CNTNAP3B: variants seen among roughly 807,000 people sequenced by gnomAD.
CNTNAP3B encodes the protein contactin-associated protein-like 3B.
In CNTNAP3B, 25 loss-of-function variants were observed where a neutral mutation model predicts 108.9. The observed-to-expected ratio is 0.23, with a 90% CI of 0.17 to 0.32. The LOEUF (loss-of-function observed/expected upper bound fraction) is 0.32. Ranked by LOEUF, CNTNAP3B falls within the 10% of genes least tolerant of loss-of-function variation. CNTNAP3B has a pLI of 1.00. For synonymous variants in CNTNAP3B, 103 were observed against 473.4 expected, an observed-to-expected ratio of 0.22 and a Z score of 10.16; for missense variants, 252 against 1,210.4, an observed-to-expected ratio of 0.21 and a Z score of 11.75.
chr9:42,111,879 C>CCA lies in CNTNAP3B; in HGVS notation c.86-7142_86-7141dup, dbSNP rs1828199177. Among the ~76,000 whole-genome samples the CCA allele has an allele frequency of 2.9e-5, 4 of 138,406 alleles. 1 individual carries two copies. The South Asian group carries it at 9.4e-4, about 32-fold the overall frequency. 90.8% of individuals were successfully genotyped at this position (138,406 alleles called of 152,430 possible). A position where few individuals can be genotyped will look rare whatever the true frequency, so the allele number is the denominator to read the frequency against. On this transcript the variant is annotated intron_variant, in intron 1 of 23. Coordinates refer to ENST00000377561, the MANE Select transcript of CNTNAP3B (RefSeq NM_001201380.3). ...ATGTTTCCTTATTGACTGTCCCCAGCCACACACACACCTTACATATCACCA... is the reference window on the plus strand; with the variant it reads ...ATGTTTCCTTATTGACTGTCCCCAGCCACACACACACACCTTACATATCACCA...
At chr9:41,925,841 A>G (rs1692860) in intron 15 of CNTNAP3B, among the ~76,000 whole-genome samples, 1 of 148,016 alleles carries the variant, frequency 6.8e-6, no homozygotes, top group East Asian at 2.0e-4. Flanking sequence ...GCTCATCTTA[A>G]ATTTTCTCTG....
chr9:41,924,999 G>T (rs566574879), intron 15 of CNTNAP3B, among the ~76,000 whole-genome samples: 1 of 151,612 alleles, frequency 6.6e-6, no homozygotes. Flanking sequence ...TCAGTGTGTC[G>T]CAGCAGCAGG....
chr9:42,120,497 C>T (rs1330633243), intron 1 of CNTNAP3B, among the ~76,000 whole-genome samples: 1 of 138,006 alleles, frequency 7.2e-6, no homozygotes, highest in Non-Finnish European at 1.5e-5. Flanking sequence ...GATTATAAAT[C>T]ATGCTGCTAT....
At chr9:41,964,204 G>A (rs1242657116) in intron 11 of CNTNAP3B, among the ~76,000 whole-genome samples, 1 of 152,250 alleles carries the variant, frequency 6.6e-6, no homozygotes, top group Non-Finnish European at 1.5e-5. Flanking sequence ...TTAAAATTAT[G>A]GTCCAACTCA....
chr9:42,119,506 G>C (rs1322527783), intron 1 of CNTNAP3B, among the ~76,000 whole-genome samples: 3 of 123,752 alleles, frequency 2.4e-5, no homozygotes, highest in Non-Finnish European at 5.0e-5. Context: ...AACCAAAAAA[G>C]AGCCCGCATT....
chr9:42,030,813 G>GAGAGAGAGAGAGAGA (rs1156882673), intron 3 of CNTNAP3B, among the ~76,000 whole-genome samples: 3 of 65,774 alleles, frequency 4.6e-5, no homozygotes, highest in South Asian at 5.8e-4. Context: ...GAGAGAGAGA[G>GAGAGAGAGAGAGAGA]GAGAGAGAGA....
chr9:41,967,490 G>A (rs1401955486), intron 10 of CNTNAP3B, among the ~76,000 whole-genome samples: 5 of 152,214 alleles, frequency 3.3e-5, no homozygotes, highest in Admixed American at 6.5e-5. Context: ...CCAGTCTTGG[G>A]TATATCTTTA....
intron 7 of CNTNAP3B, among the ~76,000 whole-genome samples, chr9:41,995,818 C>G (rs62554987): frequency 0.38 from 48,200 of 127,008 alleles, 10,913 homozygotes; most frequent in East Asian, 0.62. Flanking sequence ...GGCAGATCAC[C>G]TGAGGTCAGG....
At position 42,112,394 on chromosome 9, in the gene CNTNAP3B, C is replaced by T. The variant is rs1201200234; in HGVS notation, c.86-7655G>A. ...CAGGGAGCCACACAGCAGCCATGTG[C>T]GGCGGCAGATGGGGATGAGAGGGAA... On this transcript the variant is annotated intron_variant, in intron 1 of 23. Coordinates refer to ENST00000377561, the MANE Select transcript of CNTNAP3B (RefSeq NM_001201380.3). 5.0e-5 allele frequency among the ~76,000 whole-genome samples: 7 copies of T among 139,176 alleles called. 2 individuals carry two copies. The highest frequency in any genetic ancestry group is 2.3e-4 in the South Asian group (1 of 4,300). 91.3% of individuals were successfully genotyped at this position (139,176 alleles called of 152,430 possible).
chr9:41,962,724 G>A, intron 11 of CNTNAP3B, among the ~76,000 whole-genome samples: 1 of 150,428 alleles, frequency 6.6e-6, no homozygotes, highest in Non-Finnish European at 1.5e-5. Context: ...GGGAGTCCAA[G>A]GCAGGTGGAT....
intron 13 of CNTNAP3B, among the ~76,000 whole-genome samples, chr9:41,939,528 A>G (rs1190255742): frequency 1.3e-5 from 2 of 152,298 alleles, no homozygotes; most frequent in African/African-American, 4.8e-5. Flanking sequence ...AAAAAAGGCA[A>G]TCTGGGAAAA....
At chr9:41,940,738 C>A (rs1824315738) in intron 13 of CNTNAP3B, among the ~76,000 whole-genome samples, 1 of 152,096 alleles carries the variant, frequency 6.6e-6, no homozygotes, top group South Asian at 2.1e-4. Context: ...TGGCGTGAAC[C>A]CGGGAGGCGG....
rs1291388855 is a variant in CNTNAP3B at position 41,995,583 on chromosome 9, A to AAATT, written c.1071+621_1071+622insAATT. ...ACCCCGTCTCTACTAAAAATACAAAAAGCCGGGCATGCTGGTGGGCACCTG... is the reference window on the plus strand; with the variant it reads ...ACCCCGTCTCTACTAAAAATACAAAAAATTAGCCGGGCATGCTGGTGGGCACCTG... On this transcript the variant is annotated intron_variant, in intron 7 of 23. Transcript: ENST00000377561. Among the ~76,000 whole-genome samples the AAATT allele has an allele frequency of 1.2e-3, 153 of 128,380 alleles. 3 individuals carry two copies. The highest frequency in any genetic ancestry group is 4.5e-3 in the African/African-American group (139 of 30,892). The allele number at this position is 128,380 out of a possible 152,430, so 84.2% of individuals were successfully genotyped here. A position where few individuals can be genotyped will look rare whatever the true frequency, so the allele number is the denominator to read the frequency against.
intron 12 of CNTNAP3B, chr9:41,960,212 A>T (rs1045304333): frequency 8.6e-5 from 14 of 163,118 alleles, no homozygotes; most frequent in Non-Finnish European, 1.6e-4. Flanking sequence ...GTTGGCCAGG[A>T]TGGTCTCGAT....
chr9:41,947,484 A>G (rs1177680434), intron 13 of CNTNAP3B, among the ~76,000 whole-genome samples: 4 of 152,206 alleles, frequency 2.6e-5, no homozygotes, highest in Non-Finnish European at 5.9e-5. Flanking sequence ...AACTACATGA[A>G]AAACTAAATG....
rs1174301956 is a variant in CNTNAP3B, at chr9:42,114,934, A to C, written c.86-10195T>G. The stretch of plus-strand genomic sequence containing the variant: ...CTGGGCATGGTAGCGGGAACTTGCA[A>C]TCCCAGCTACTCGGGAGGCTGAGGC... On this transcript the variant is annotated intron_variant, in intron 1 of 23. Coordinates refer to ENST00000377561, the MANE Select transcript of CNTNAP3B (RefSeq NM_001201380.3). Among the ~76,000 whole-genome samples, 3 of 135,214 alleles carry C rather than the reference A, an allele frequency of 2.2e-5. 1 individual carries two copies. The highest frequency in any genetic ancestry group is 8.9e-5 in the African/African-American group (3 of 33,630). The allele number at this position is 135,214 out of a possible 152,430, so 88.7% of individuals were successfully genotyped here.
rs1346395548 is a variant in CNTNAP3B at position 42,093,087 on chromosome 9, C to G, written c.196+11542G>C. Among the ~76,000 whole-genome samples, 2 of 97,772 alleles carry G rather than the reference C, an allele frequency of 2.0e-5. 1 individual carries two copies. The highest frequency in any genetic ancestry group is 7.6e-5 in the African/African-American group (2 of 26,302). The allele number at this position is 97,772 out of a possible 152,430, so 64.1% of individuals were successfully genotyped here. A position where few individuals can be genotyped will look rare whatever the true frequency, so the allele number is the denominator to read the frequency against. On this transcript the variant is annotated intron_variant, in intron 2 of 23. Coordinates refer to ENST00000377561, the MANE Select transcript of CNTNAP3B (RefSeq NM_001201380.3). Reference sequence around the variant, plus strand: ...AATTGCCGGGCGCGGTGGCTCACACCTGTAATCCCAGCACTTTGGGAGGCC... The same window carrying G: ...AATTGCCGGGCGCGGTGGCTCACACGTGTAATCCCAGCACTTTGGGAGGCC...
intron 13 of CNTNAP3B, among the ~76,000 whole-genome samples, chr9:41,947,201 G>A (rs1305410465): frequency 3.3e-5 from 5 of 150,454 alleles, no homozygotes; most frequent in Non-Finnish European, 7.4e-5. Flanking sequence ...CTTAAGAATA[G>A]CAGAATATAC....
chr9:42,020,539 T>C lies in CNTNAP3B; in HGVS notation c.391-7014A>G, dbSNP rs533248566. Among the ~76,000 whole-genome samples, 31 of 144,488 alleles carry C rather than the reference T, an allele frequency of 2.1e-4. No homozygotes were observed. In the East Asian group the frequency reaches 6.2e-3, roughly 29 times the overall value. 94.8% of individuals were successfully genotyped at this position (144,488 alleles called of 152,430 possible). Reference sequence around the variant, plus strand: ...AGTTCAGGGTATTATGCTGGTGCCATCTCTGGTTTCTCAGAGACTTTCAAC... The same window carrying C: ...AGTTCAGGGTATTATGCTGGTGCCACCTCTGGTTTCTCAGAGACTTTCAAC... On this transcript the variant is annotated intron_variant, in intron 3 of 23. Coordinates refer to ENST00000377561, the MANE Select transcript of CNTNAP3B (RefSeq NM_001201380.3).
Sources: allele counts gnomAD v4.1 joint callset (sites outside exome capture counted in the v4.1 genomes callset), GRCh38; gene constraint gnomAD v4.1.1; transcripts MANE v1.5; gene names NCBI Gene and HGNC (gene_info 2026-07-23, HGNC 2026-07-21).